The following ECM2 variants were observed in gnomAD, a reference collection of about 807,000 sequenced individuals.
The protein encoded by ECM2 is extracellular matrix protein 2.
In ECM2, 57 loss-of-function variants were observed where a neutral mutation model predicts 67.5. That is an observed-to-expected ratio of 0.84 (90% CI 0.68 to 1.05). ECM2 has a LOEUF of 1.05. Ranked by LOEUF, ECM2 falls within the 50% of genes least tolerant of loss-of-function variation. The pLI, the probability that ECM2 is intolerant of heterozygous loss-of-function variation, is 0.00. For missense variants in ECM2, 741 were observed against 822.8 expected (o/e 0.90, Z 1.22); for synonymous variants, 258 against 294.5 (o/e 0.88, Z 1.27).
chr9:92,514,935 T>A lies in ECM2; in HGVS notation c.750A>T (p.Arg250Ser), dbSNP rs769530160. 5.0e-6 allele frequency: 8 copies of A among 1,614,062 alleles called. 1 individual carries two copies. The South Asian group carries it at 8.8e-5, about 18-fold the overall frequency. ...YSEGDSRGGD[R>S]KQRPGEERRL... Reference sequence around the variant, plus strand: ...TCCTCTCCTCTCCAGGCCTCTGCTTTCTGTCTCCTCCTCTGCTGTCCCCCT... The same window carrying A: ...TCCTCTCCTCTCCAGGCCTCTGCTTACTGTCTCCTCCTCTGCTGTCCCCCT... Residue 250 changes from arginine to serine, a missense_variant, in exon 4 of 10, where the codon AGA (arginine) becomes AGT (serine). Arg to Ser is a moderately radical substitution (Grantham distance 110). Transcript: ENST00000344604.
chr9:92,520,710 TTCA>T (rs1278536780), intron 2 of ECM2, among the ~76,000 whole-genome samples: 11 of 152,222 alleles, frequency 7.2e-5, no homozygotes, highest in Non-Finnish European at 8.8e-5. Flanking sequence ...AGCCCAGATG[TTCA>T]TCAACTGGTA....
intron 2 of ECM2, among the ~76,000 whole-genome samples, chr9:92,521,077 C>G (rs1040018366): frequency 1.3e-5 from 2 of 152,116 alleles, no homozygotes; most frequent in African/African-American, 4.8e-5. Flanking sequence ...GAATTGTACA[C>G]TTTAAAATGG....
intron 1 of ECM2, among the ~76,000 whole-genome samples, chr9:92,533,331 ATATATATATAT>A (rs1848970867): frequency 2.5e-5 from 2 of 79,086 alleles, no homozygotes; most frequent in African/African-American, 4.8e-5. Context: ...AAAAAAAAAT[ATATATATATAT>A]ATATATATAT....
intron 6 of ECM2, among the ~76,000 whole-genome samples, chr9:92,506,565 G>A (rs1000568103): frequency 6.6e-6 from 1 of 152,158 alleles, no homozygotes; most frequent in Non-Finnish European, 1.5e-5. Context: ...CCCTTCATGG[G>A]CATTGCACCG....
the ECM2 span, among the ~76,000 whole-genome samples, chr9:92,542,941 A>C: frequency 6.6e-5 from 10 of 152,168 alleles, no homozygotes; most frequent in Non-Finnish European, 2.9e-5. Flanking sequence ...GTGGATATCC[A>C]GTTTTCTCAG....
chr9:92,520,313 T>C (rs1847986304), intron 2 of ECM2, among the ~76,000 whole-genome samples: 1 of 151,964 alleles, frequency 6.6e-6, no homozygotes, highest in African/African-American at 2.4e-5. Flanking sequence ...GCATAGGGGT[T>C]GAATAGATAT....
Position 92,514,838 on chromosome 9 carries a change from C to T in ECM2, c.847G>A (p.Glu283Lys), listed in dbSNP as rs1847589722. Residue 283 changes from glutamate to lysine, a missense_variant, in exon 4 of 10, where the codon GAG (glutamate) becomes AAG (lysine). Glu to Lys is a moderately conservative substitution (Grantham distance 56). Coordinates refer to ENST00000344604, the MANE Select transcript of ECM2 (RefSeq NM_001393.4). ...TCCTCCTCGTCCTCCTCATCCTCCT[C>T]ACCCTCCTCACCCTCCTCCTCCTCA... ...EDEEEEGEEG[E>K]EDEEDEEDPV... 1 of 1,612,030 alleles carries T rather than the reference C, an allele frequency of 6.2e-7. No individual in the cohort carries two copies. Among genetic ancestry groups the T allele is most frequent in the Non-Finnish European group, 8.5e-7 (1 of 1,179,016 alleles).
At chr9:92,513,248 G>A (rs1847469810) in intron 4 of ECM2, among the ~76,000 whole-genome samples, 1 of 152,144 alleles carries the variant, frequency 6.6e-6, no homozygotes, top group South Asian at 2.1e-4. Flanking sequence ...TGGGCAGAAG[G>A]TCTAGATGAC....
chr9:92,558,512 G>A, the ECM2 span, among the ~76,000 whole-genome samples: 14 of 152,286 alleles, frequency 9.2e-5, no homozygotes, highest in South Asian at 1.9e-3. Context: ...TCTCTCAGCC[G>A]TGGATACCAG....
chr9:92,514,275 T>TA (rs1847544300), intron 4 of ECM2, among the ~76,000 whole-genome samples: 1 of 136,482 alleles, frequency 7.3e-6, no homozygotes, highest in African/African-American at 2.7e-5. Context: ...AGTCATTTAC[T>TA]TTTTTTTTTT....
At chr9:92,497,600 G>A (rs1418655956) in intron 9 of ECM2, among the ~76,000 whole-genome samples, 7 of 150,870 alleles carry the variant, frequency 4.6e-5, no homozygotes, top group Non-Finnish European at 2.9e-5. Context: ...CTTCTGCCTG[G>A]GCAACAAGAG....
At chr9:92,498,368 A>T (rs1183179516) in intron 9 of ECM2, among the ~76,000 whole-genome samples, 1 of 152,094 alleles carries the variant, frequency 6.6e-6, no homozygotes, top group African/African-American at 2.4e-5. Flanking sequence ...GTTAATGGGT[A>T]CAGCACACCA....
upstream of ECM2, chr9:92,539,112 C>A (rs1849255264): frequency 6.6e-6 from 1 of 152,226 alleles, no homozygotes; most frequent in Admixed American, 6.5e-5. Flanking sequence ...CCTGCCCACG[C>A]ACTGAATATT....
At chr9:92,526,367 T>A (rs1161234842) in intron 1 of ECM2, among the ~76,000 whole-genome samples, 2 of 152,178 alleles carry the variant, frequency 1.3e-5, no homozygotes, top group Non-Finnish European at 2.9e-5. Flanking sequence ...GGAATTTTTT[T>A]AAATTCTTGA....
the ECM2 span, among the ~76,000 whole-genome samples, chr9:92,554,958 A>G: frequency 6.6e-6 from 1 of 151,852 alleles, no homozygotes; most frequent in African/African-American, 2.4e-5. Flanking sequence ...GTATTTTGTT[A>G]TGGATTTTAG....
chr9:92,547,198 AAAAG>A, the ECM2 span, among the ~76,000 whole-genome samples: 3 of 152,246 alleles, frequency 2.0e-5, no homozygotes, highest in Admixed American at 6.5e-5. Context: ...TAGTGTTTTA[AAAAG>A]AATAAAGAAA....
At chr9:92,518,810 AC>A (rs1482121230) in intron 2 of ECM2, among the ~76,000 whole-genome samples, 1 of 152,092 alleles carries the variant, frequency 6.6e-6, no homozygotes, top group African/African-American at 2.4e-5. Flanking sequence ...AATCGCTTGA[AC>A]CCAGGAGGTG....
In ECM2 at chr9:92,514,687, A is replaced by C. The variant is rs1847574123; in HGVS notation, c.998T>G (p.Met333Arg). The C allele has an allele frequency of 1.9e-6, 3 of 1,611,432 alleles. No homozygotes were observed. The highest frequency in any genetic ancestry group is 2.7e-5 in the African/African-American group (2 of 75,006). The change falls in exon 4 of 10, where the codon ATG becomes AGG. Residue 333 changes from methionine to arginine, a missense_variant. Coordinates refer to ENST00000344604, the MANE Select transcript of ECM2 (RefSeq NM_001393.4). ...TGTCAGCGGTGGTATCTGGGTAAGC[A>C]TGGCGTTGATGCAGCTGATGGTCCT... ...SYRTISCINA[M>R]LTQIPPLTAP...
intron 3 of ECM2, among the ~76,000 whole-genome samples, chr9:92,516,038 A>G (rs1051773682): frequency 2.6e-5 from 4 of 151,882 alleles, no homozygotes; most frequent in African/African-American, 9.7e-5. Flanking sequence ...AAACAGTTCT[A>G]GGAAGAACTG....
Sources: gnomAD v4.1 joint callset for allele counts (sites outside exome capture counted in the v4.1 genomes callset) on GRCh38, gnomAD v4.1.1 for gene constraint, MANE v1.5 for transcripts, NCBI Gene and HGNC (gene_info 2026-07-23, HGNC 2026-07-21) for gene names.